Variants in NFIX observed in about 807,000 individuals in gnomAD.
The protein encoded by NFIX is nuclear factor 1 X-type.
Under a neutral mutation model 53.3 loss-of-function variants are expected in NFIX, and 2 were observed. That is an observed-to-expected ratio of 0.04 (90% CI 0.02 to 0.12). The LOEUF (loss-of-function observed/expected upper bound fraction) is 0.12, where lower values mean the gene tolerates loss of function less well. Among genes scored for constraint, NFIX ranks in the 10% least tolerant of loss-of-function variants. The pLI, the probability that NFIX is intolerant of heterozygous loss-of-function variation, is 1.00. For synonymous variants in NFIX, 244 were observed against 289.0 expected, an observed-to-expected ratio of 0.84 and a Z score of 1.58; for missense variants, 310 against 674.5, an observed-to-expected ratio of 0.46 and a Z score of 5.99.
intron 2 of NFIX, among the ~76,000 whole-genome samples, chr19:13,046,055 G>A (rs752520777): frequency 6.6e-6 from 1 of 152,192 alleles, no homozygotes; most frequent in African/African-American, 2.4e-5. Flanking sequence ...GAGCTGGGTG[G>A]GGCAGAGGCC....
intron 2 of NFIX, among the ~76,000 whole-genome samples, chr19:13,032,739 G>C (rs2013906371): frequency 6.6e-6 from 1 of 152,156 alleles, no homozygotes; most frequent in Non-Finnish European, 1.5e-5. Context: ...TTGAGGGCAG[G>C]TCAGTGCTGC....
At chr19:13,024,502 G>T in intron 1 of NFIX, 3 of 1,506,600 alleles carry the variant, frequency 2.0e-6, no homozygotes, top group Non-Finnish European at 2.7e-6. Flanking sequence ...TCTTCTTGGG[G>T]GCGGCCAAAA....
rs1381030265 is a variant in NFIX, at chr19:13,098,788, C to T, written c.*4139C>T. ...TGTGAAATAAAGAAATAAAGAAAAA[C>T]AAACGCGAGAGCGCCTGACCCTTCG... On this transcript the variant is annotated 3_prime_UTR_variant, in exon 11 of 11. Coordinates refer to ENST00000592199, the MANE Select transcript of NFIX (RefSeq NM_001365902.3). 6.1e-6 allele frequency: 1 copy of T among 163,502 alleles called. No individual in the cohort carries two copies. The highest frequency in any genetic ancestry group is 2.4e-5 in the African/African-American group (1 of 41,570). 10.1% of individuals were successfully genotyped at this position (163,502 alleles called of 1,614,324 possible).
intron 2 of NFIX, among the ~76,000 whole-genome samples, chr19:13,048,122 A>C (rs1459054650): frequency 2.6e-5 from 4 of 152,124 alleles, no homozygotes; most frequent in Non-Finnish European, 5.9e-5. Context: ...GCTCAAGGCC[A>C]CCCACTAGCG....
intron 2 of NFIX, among the ~76,000 whole-genome samples, chr19:13,064,694 C>T (rs900895970): frequency 2.8e-4 from 43 of 152,204 alleles, no homozygotes; most frequent in African/African-American, 1.0e-3. Flanking sequence ...ATCTAGGACA[C>T]ACTCACCATG....
At position 13,043,443 on chromosome 19, in the gene NFIX, G is replaced by A. The variant is rs147848052; in HGVS notation, c.559+17891G>A. Among the ~76,000 whole-genome samples the A allele has an allele frequency of 9.8e-5, 15 of 152,314 alleles. No homozygotes were observed. Among genetic ancestry groups the A allele is most frequent in the Non-Finnish European group, 7.4e-5 (5 of 68,010 alleles). On this transcript the variant is annotated intron_variant, in intron 2 of 10. Coordinates refer to ENST00000592199, the MANE Select transcript of NFIX (RefSeq NM_001365902.3). The surrounding 1 kb of genome is among the most constrained non-coding windows in gnomAD (Gnocchi z 4.0). ...CAGCAGCCCCCAGGTCCACTTCTGA[G>A]GTGCAAGCCCATGCTGGCCGCCAGC...
chr19:13,073,565 T>C lies in NFIX; in HGVS notation c.697+69T>C. On this transcript the variant is annotated intron_variant, in intron 4 of 10. Coordinates refer to ENST00000592199, the MANE Select transcript of NFIX (RefSeq NM_001365902.3). The surrounding 1 kb of genome is among the most constrained non-coding windows in gnomAD (Gnocchi z 4.5). Reference sequence around the variant, plus strand: ...TGAGGAGGTGGGACCTCATGGGATGTCCTCCTAATGGGGTCTTAGGGCAGG... The same window carrying C: ...TGAGGAGGTGGGACCTCATGGGATGCCCTCCTAATGGGGTCTTAGGGCAGG... 1 of 1,385,282 alleles carries C rather than the reference T, an allele frequency of 7.2e-7. No individual in the cohort carries two copies. Among genetic ancestry groups the C allele is most frequent in the South Asian group, 1.2e-5 (1 of 86,306 alleles). 85.8% of individuals were successfully genotyped at this position (1,385,282 alleles called of 1,614,324 possible). A position where few individuals can be genotyped will look rare whatever the true frequency, so the allele number is the denominator to read the frequency against.
rs377622313 is a variant in NFIX at position 13,078,754 on chromosome 19, C to T, written c.1078+19C>T. The T allele has an allele frequency of 4.7e-5, 74 of 1,585,054 alleles. No homozygotes were observed. The highest frequency in any genetic ancestry group is 1.6e-4 in the African/African-American group (11 of 69,552). ...AGACCAGGTGAGAAATGGGGGGCCC[C>T]GGAGGGGGGCAGTTGGGGAGGTGGC... On this transcript the variant is annotated intron_variant, in intron 7 of 10. Transcript: ENST00000592199. The surrounding 1 kb of genome is among the most constrained non-coding windows in gnomAD (Gnocchi z 4.7).
chr19:13,031,436 C>T (rs765905376), intron 2 of NFIX, among the ~76,000 whole-genome samples: 3 of 152,150 alleles, frequency 2.0e-5, no homozygotes, highest in Non-Finnish European at 4.4e-5. Context: ...GGGGTCCAGA[C>T]GTGCAGAAGG....
intron 2 of NFIX, among the ~76,000 whole-genome samples, chr19:13,030,748 C>A (rs2013739447): frequency 6.6e-6 from 1 of 152,170 alleles, no homozygotes; most frequent in Non-Finnish European, 1.5e-5. Flanking sequence ...ACAGAAACTC[C>A]AAGCATGATC....
chr19:13,035,284 G>A (rs1044393381), intron 2 of NFIX, among the ~76,000 whole-genome samples: 3 of 152,222 alleles, frequency 2.0e-5, no homozygotes, highest in Non-Finnish European at 4.4e-5. Context: ...GGATAGCAGA[G>A]CCCTGGGCTG....
chr19:13,012,600 T>G lies in NFIX; in HGVS notation c.28-12421T>G, dbSNP rs2145157578. 6.6e-6 allele frequency among the ~76,000 whole-genome samples: 1 copy of G among 152,298 alleles called. No homozygotes were observed. The highest frequency in any genetic ancestry group is 2.1e-4 in the South Asian group (1 of 4,828). ...GTTTGTCCCCCAGGCGCGCGGGGGTTGGGGGTTCAGGGCCGCCTGTGCCTC... is the reference window on the plus strand; with the variant it reads ...GTTTGTCCCCCAGGCGCGCGGGGGTGGGGGGTTCAGGGCCGCCTGTGCCTC... On this transcript the variant is annotated intron_variant, in intron 1 of 10. Coordinates refer to ENST00000592199, the MANE Select transcript of NFIX (RefSeq NM_001365902.3). The surrounding 1 kb of genome is among the most constrained non-coding windows in gnomAD (Gnocchi z 5.0).
intron 2 of NFIX, among the ~76,000 whole-genome samples, chr19:13,041,876 C>T (rs1008362101): frequency 1.3e-5 from 2 of 150,676 alleles, no homozygotes; most frequent in Non-Finnish European, 3.0e-5. Context: ...GGTTTAGCAT[C>T]TTTTCTTTTT....
intron 8 of NFIX, chr19:13,082,334 G>A (rs947403285): frequency 3.2e-5 from 5 of 153,882 alleles, no homozygotes; most frequent in African/African-American, 1.2e-4. Context: ...CAATATCCCT[G>A]GCCTCCACCT....
At chr19:13,085,113 C>T (rs2017700865) in intron 8 of NFIX, among the ~76,000 whole-genome samples, 2 of 151,806 alleles carry the variant, frequency 1.3e-5, no homozygotes, top group Admixed American at 1.3e-4. Flanking sequence ...TACCACCTTC[C>T]AGGCTCCTTC....
At chr19:13,092,124 G>A (rs573960092) in intron 10 of NFIX, among the ~76,000 whole-genome samples, 16 of 152,296 alleles carry the variant, frequency 1.1e-4, no homozygotes, top group Admixed American at 2.0e-4. Flanking sequence ...ACGGGCGGGC[G>A]CAGGGGGTAC....
intron 2 of NFIX, among the ~76,000 whole-genome samples, chr19:13,053,108 C>A (rs1001234413): frequency 6.6e-6 from 1 of 152,160 alleles, no homozygotes; most frequent in Non-Finnish European, 1.5e-5. Flanking sequence ...AAGCAGAATG[C>A]GGGGTAGGGC....
chr19:13,056,470 A>C (rs2145345933), intron 2 of NFIX, among the ~76,000 whole-genome samples: 1 of 152,246 alleles, frequency 6.6e-6, no homozygotes, highest in South Asian at 2.1e-4. Context: ...GGGCCCACCC[A>C]CCCGGTGGTA....
chr19:13,076,768 G>T (rs75339272), intron 6 of NFIX, among the ~76,000 whole-genome samples: 4,287 of 152,312 alleles, frequency 0.028, 71 homozygotes, highest in Middle Eastern at 0.082. Flanking sequence ...GCGAGGTGGG[G>T]CTGGGAAGCA....
Sources: gnomAD v4.1 joint callset for allele counts (sites outside exome capture counted in the v4.1 genomes callset) on GRCh38, gnomAD v4.1.1 for gene constraint, Gnocchi (gnomAD v3.1) non-coding constraint, MANE v1.5 for transcripts, NCBI Gene and HGNC (gene_info 2026-07-23, HGNC 2026-07-21) for gene names.